The following PSD2 variants were observed in gnomAD, a reference collection of about 807,000 sequenced individuals.
PSD2 encodes the protein PH and SEC7 domain-containing protein 2.
Under a neutral mutation model 69.8 loss-of-function variants are expected in PSD2, and 38 were observed. The observed-to-expected ratio is 0.54, with a 90% confidence interval of 0.42 to 0.71. The LOEUF is 0.71. PSD2 is among the 30% of genes least tolerant of loss of function. PSD2 has a pLI of 0.00. For missense variants in PSD2, 943 were observed against 1,014.5 expected (o/e 0.93, Z 0.96); for synonymous variants, 412 against 423.0 (o/e 0.97, Z 0.32).
intron 1 of PSD2, among the ~76,000 whole-genome samples, chr5:139,799,696 G>A (rs1759619764): frequency 6.6e-6 from 1 of 152,174 alleles, no homozygotes; most frequent in Non-Finnish European, 1.5e-5. Context: ...AGGGGGGACA[G>A]CATTGGGGCT....
chr5:139,837,743 T>G lies in PSD2; in HGVS notation c.1784T>G (p.Leu595Arg). 1 of 1,613,684 alleles carries G rather than the reference T, an allele frequency of 6.2e-7. No individual in the cohort carries two copies. Among genetic ancestry groups the G allele is most frequent in the Middle Eastern group, 1.7e-4 (1 of 6,060 alleles). Residue 595 changes from leucine to arginine, a missense_variant, in exon 12 of 15, where the codon CTT becomes CGT. Physicochemically the swap from Leu to Arg is moderately radical, Grantham distance 102 (BLOSUM62 -2). Coordinates refer to ENST00000274710, the MANE Select transcript of PSD2 (RefSeq NM_032289.4). This position sits in a 1 kb window ranked among gnomAD's most constrained non-coding sequence, Gnocchi z 5.0. ...AGCAAGAAGTCCAACGTGCTGAAGC[T>G]TAAGACAGCCGACTGGAGGGTATTC... is the stretch of plus-strand genomic sequence containing the variant. ...DYSKKSNVLK[L>R]KTADWRVFLF... is the part of the protein sequence containing the mutation.
chr5:139,754,872 A>G, the PSD2 span, among the ~76,000 whole-genome samples: 1 of 147,618 alleles, frequency 6.8e-6, no homozygotes, highest in Non-Finnish European at 1.5e-5. Context: ...GTCTCAAAAA[A>G]AAACAAAAAC....
intron 1 of PSD2, among the ~76,000 whole-genome samples, chr5:139,803,897 C>T (rs1364870018): frequency 6.6e-6 from 1 of 152,098 alleles, no homozygotes; most frequent in Non-Finnish European, 1.5e-5. Flanking sequence ...ACTCCAGGCC[C>T]CTTGGTTGGC....
chr5:139,816,564 A>G (rs756667857), intron 4 of PSD2, among the ~76,000 whole-genome samples: 12 of 152,230 alleles, frequency 7.9e-5, no homozygotes, highest in Non-Finnish European at 1.3e-4. Context: ...TCTATTTCCC[A>G]TGAGTCCTGC....
At chr5:139,825,528 C>T (rs1245818470) in intron 7 of PSD2, among the ~76,000 whole-genome samples, 1 of 152,050 alleles carries the variant, frequency 6.6e-6, no homozygotes, top group African/African-American at 2.4e-5. Context: ...ATGATGGTAG[C>T]GTGGGTAGAA....
At chr5:139,744,416 G>C in the PSD2 span, among the ~76,000 whole-genome samples, 1 of 152,178 alleles carries the variant, frequency 6.6e-6, no homozygotes, top group Non-Finnish European at 1.5e-5. Flanking sequence ...GGGGTATTCT[G>C]GGATGGGAGG....
At position 139,824,394 on chromosome 5, in the gene PSD2, GTTT is replaced by G. The variant is rs3055525; in HGVS notation, c.1269+1628_1269+1630del. Among the ~76,000 whole-genome samples the G allele has an allele frequency of 3.3e-5, 4 of 119,410 alleles. No individual in the cohort carries two copies. In the South Asian group the frequency reaches 8.5e-4, roughly 26 times the overall value. 78.3% of individuals were successfully genotyped at this position (119,410 alleles called of 152,430 possible). ...ACACTGAGGCTTTCGTCTCTCTCTT[GTTT>G]TTTTTTTTTTTTTTTTTGAGACGGA... On this transcript the variant is annotated intron_variant, in intron 7 of 14. Transcript: ENST00000274710.
At chr5:139,752,726 A>G in the PSD2 span, among the ~76,000 whole-genome samples, 917 of 152,346 alleles carry the variant, frequency 6.0e-3, 16 homozygotes, top group Middle Eastern at 0.014. Context: ...ACACAGGCAC[A>G]CACATACACA....
chr5:139,776,434 T>C, the PSD2 span, among the ~76,000 whole-genome samples: 1 of 152,174 alleles, frequency 6.6e-6, no homozygotes, highest in South Asian at 2.1e-4. Flanking sequence ...GGGAATTATC[T>C]AGGATCCTGC....
chr5:139,756,427 G>A, the PSD2 span, among the ~76,000 whole-genome samples: 1 of 152,238 alleles, frequency 6.6e-6, no homozygotes, highest in African/African-American at 2.4e-5. Context: ...AGCATCTAGG[G>A]TCAGACTGGG....
intron 13 of PSD2, 79 bp downstream of exon 13, chr5:139,838,851 A>T: frequency 1.3e-6 from 2 of 1,489,230 alleles, no homozygotes; most frequent in Non-Finnish European, 1.8e-6. Context: ...GCCCCACCCC[A>T]GCTCTGTCTC....
At position 139,813,698 on chromosome 5, in the gene PSD2, G is replaced by A. The variant is rs1402787354; in HGVS notation, c.761G>A (p.Gly254Asp). The A allele has an allele frequency of 1.9e-6, 3 of 1,613,332 alleles. No individual in the cohort carries two copies. Among genetic ancestry groups the A allele is most frequent in the Non-Finnish European group, 1.7e-6 (2 of 1,179,798 alleles). The change falls in exon 3 of 15, where the codon GGC (glycine) becomes GAC (aspartate). Residue 254 changes from glycine (G) to aspartate (D), a missense_variant. Physicochemically the swap from Gly to Asp is moderately conservative, Grantham distance 94. This residue lies in a region of PSD2 where 466 missense variants were observed against 445.0 expected (regional missense o/e 1.05). Transcript: ENST00000274710. ...GGATTCCATGAAGATGGCCCTCAGG[G>A]CCCAGGGGGGGATGAGGATGATGAT... ...PNGFHEDGPQ[G>D]PGGDEDDDEE...
the PSD2 span, among the ~76,000 whole-genome samples, chr5:139,756,234 C>A: frequency 1.3e-5 from 2 of 152,240 alleles, no homozygotes; most frequent in South Asian, 4.1e-4. Context: ...CTGCGCCCCC[C>A]CTTTCATGTC....
At chr5:139,821,548 G>A (rs891838429) in intron 5 of PSD2, among the ~76,000 whole-genome samples, 1 of 152,248 alleles carries the variant, frequency 6.6e-6, no homozygotes, top group Non-Finnish European at 1.5e-5. Flanking sequence ...GGGTCCGGCT[G>A]TAGGGGAAGG....
intron 7 of PSD2, among the ~76,000 whole-genome samples, chr5:139,832,658 C>G (rs539666365): frequency 2.0e-5 from 3 of 152,322 alleles, no homozygotes; most frequent in African/African-American, 7.2e-5. Context: ...ATTTCCATCT[C>G]CTGGAATACC....
intron 7 of PSD2, among the ~76,000 whole-genome samples, chr5:139,833,278 C>T (rs968087852): frequency 6.6e-6 from 1 of 152,066 alleles, no homozygotes; most frequent in Non-Finnish European, 1.5e-5. Context: ...GCCTTGTGAT[C>T]GTGGGCATGT....
At position 139,842,795 on chromosome 5, in the gene PSD2, G is replaced by T. The variant is rs1760909136; in HGVS notation, c.*321G>T. 3.7e-6 allele frequency: 1 copy of T among 268,250 alleles called. No homozygotes were observed. Among genetic ancestry groups the T allele is most frequent in the South Asian group, 8.3e-5 (1 of 12,052 alleles). The allele number at this position is 268,250 out of a possible 1,614,324, so 16.6% of individuals were successfully genotyped here. A position where few individuals can be genotyped will look rare whatever the true frequency, so the allele number is the denominator to read the frequency against. On this transcript the variant is annotated 3_prime_UTR_variant, in exon 15 of 15. Coordinates refer to ENST00000274710, the MANE Select transcript of PSD2 (RefSeq NM_032289.4). ...GCTGGAAGGGCTGTTGTCTTCCCAG[G>T]TCTTTCTCTTCTCATCAAGCTCCTC... is the stretch of plus-strand genomic sequence containing the variant.
chr5:139,743,318 A>G, the PSD2 span, among the ~76,000 whole-genome samples: 2 of 152,138 alleles, frequency 1.3e-5, no homozygotes, highest in East Asian at 1.9e-4. Context: ...CTACCAACGC[A>G]CTGACCCTGG....
chr5:139,784,096 C>T, the PSD2 span, among the ~76,000 whole-genome samples: 1 of 151,720 alleles, frequency 6.6e-6, no homozygotes, highest in African/African-American at 2.4e-5. Context: ...CACGCACCAC[C>T]ACACTGGCTA....
Sources: gnomAD v4.1 joint callset for allele counts (sites outside exome capture counted in the v4.1 genomes callset) on GRCh38, gnomAD v4.1.1 for gene constraint, gnomAD v4.1.1 regional missense constraint, Gnocchi (gnomAD v3.1) non-coding constraint, MANE v1.5 for transcripts, NCBI Gene and HGNC (gene_info 2026-07-23, HGNC 2026-07-21) for gene names.